The following C3orf70 variants were observed in gnomAD, a reference collection of about 807,000 sequenced individuals.
C3orf70 encodes UPF0524 protein C3orf70.
C3orf70 carries 15 observed loss-of-function variants against 20.7 expected under a neutral mutation model. The observed-to-expected ratio is 0.72, with a 90% CI of 0.48 to 1.11. The LOEUF is 1.11. C3orf70 is among the 50% of genes most tolerant of loss of function. C3orf70 has a pLI of 0.00. For synonymous variants in C3orf70, 161 were observed against 125.7 expected, an observed-to-expected ratio of 1.28 and a Z score of -1.88; for missense variants, 332 against 317.6, an observed-to-expected ratio of 1.05 and a Z score of -0.34.
At chr3:185,146,719 A>G (rs755056175) in intron 1 of C3orf70, among the ~76,000 whole-genome samples, 1 of 152,238 alleles carries the variant, frequency 6.6e-6, no homozygotes, top group South Asian at 2.1e-4. Flanking sequence ...TGTTATTGAT[A>G]TGAATCAGAA....
At chr3:185,114,031 C>T (rs534042152) in intron 1 of C3orf70, among the ~76,000 whole-genome samples, 1 of 152,232 alleles carries the variant, frequency 6.6e-6, no homozygotes, top group Non-Finnish European at 1.5e-5. Context: ...GAAACCCTGT[C>T]TCTACTAAAA....
In C3orf70 at chr3:185,082,530, C is replaced by T. The variant is rs1323512786; in HGVS notation, c.*477G>A. The T allele has an allele frequency of 1.3e-5, 2 of 158,528 alleles. No homozygotes were observed. The highest frequency in any genetic ancestry group is 1.9e-4 in the South Asian group (1 of 5,258). 9.8% of individuals were successfully genotyped at this position (158,528 alleles called of 1,614,324 possible). ...GGGAGAAGGGGAAGGGAAGAAACGG[C>T]ATCTACCAGTGCACACTCAGTAGGG... On this transcript the variant is annotated 3_prime_UTR_variant, in exon 2 of 2. Transcript: ENST00000335012.
Position 185,081,703 on chromosome 3 carries a change from A to G in C3orf70, c.*1304T>C, listed in dbSNP as rs1577315123. On this transcript the variant is annotated 3_prime_UTR_variant, in exon 2 of 2. Transcript: ENST00000335012. ...TCTGAAGAGAGCTAAATAAGAAAGA[A>G]TTAGTCACTATTTTGTGCATGTGAG... 6.5e-6 allele frequency: 1 copy of G among 152,776 alleles called. No individual in the cohort carries two copies. Among genetic ancestry groups the G allele is most frequent in the East Asian group, 1.9e-4 (1 of 5,190 alleles). The allele number at this position is 152,776 out of a possible 1,614,324, so 9.5% of individuals were successfully genotyped here.
intron 1 of C3orf70, among the ~76,000 whole-genome samples, chr3:185,123,272 A>C (rs1446548661): frequency 1.9e-5 from 2 of 102,840 alleles, no homozygotes; most frequent in African/African-American, 6.3e-5. Context: ...AACTTAACAA[A>C]TAAAAAAAGT....
chr3:185,087,979 T>C (rs980659119), intron 1 of C3orf70, among the ~76,000 whole-genome samples: 1 of 151,764 alleles, frequency 6.6e-6, no homozygotes, highest in African/African-American at 2.4e-5. Flanking sequence ...TAGCACGATC[T>C]TGGCTCGCCG....
intron 1 of C3orf70, among the ~76,000 whole-genome samples, chr3:185,127,379 A>C (rs1184566871): frequency 6.6e-6 from 1 of 152,182 alleles, no homozygotes; most frequent in East Asian, 1.9e-4. Flanking sequence ...CCCTGAGAAG[A>C]TATATGGTAT....
At chr3:185,141,134 A>T (rs1716742584) in intron 1 of C3orf70, among the ~76,000 whole-genome samples, 2 of 152,120 alleles carry the variant, frequency 1.3e-5, no homozygotes, top group African/African-American at 4.8e-5. Flanking sequence ...AGCTTCTAGA[A>T]CTGCAAGAAA....
intron 1 of C3orf70, among the ~76,000 whole-genome samples, chr3:185,121,249 T>C (rs2108599191): frequency 6.6e-6 from 1 of 151,408 alleles, no homozygotes; most frequent in East Asian, 2.0e-4. Flanking sequence ...GAAGGGGATG[T>C]GGGATAAAAG....
At position 185,083,094 on chromosome 3, in the gene C3orf70, C is replaced by T. The variant is rs1715382301; in HGVS notation, c.666G>A (p.Glu222=). 6.2e-7 allele frequency: 1 copy of T among 1,614,204 alleles called. No individual in the cohort carries two copies. Among genetic ancestry groups the T allele is most frequent in the Non-Finnish European group, 8.5e-7 (1 of 1,180,036 alleles). The change falls in exon 2 of 2, where the codon GAG becomes GAA. Residue 222 remains glutamate, a synonymous_variant. Coordinates refer to ENST00000335012, the MANE Select transcript of C3orf70 (RefSeq NM_001025266.3). ...ELSSEEDYSP[E]SSWEPDECTL... is the part of the protein sequence containing the mutation. Reference sequence around the variant, plus strand: ...TGCACTCATCCGGTTCCCAGCTGCTCTCTGGACTGTAATCTTCCTCTGAAC... The same window carrying T: ...TGCACTCATCCGGTTCCCAGCTGCTTTCTGGACTGTAATCTTCCTCTGAAC...
rs917308006 is a variant in C3orf70, at chr3:185,078,560, G to A, written c.*4447C>T. 8 of 152,186 alleles carry A rather than the reference G, an allele frequency of 5.3e-5. No homozygotes were observed. The highest frequency in any genetic ancestry group is 1.3e-4 in the Admixed American group (2 of 15,278). 9.4% of individuals were successfully genotyped at this position (152,186 alleles called of 1,614,324 possible). ...TCCGGGAACTTACAGCACTGACCAC[G>A]TGTGTGGAACTCCCACTGGCTTCCC... On this transcript the variant is annotated 3_prime_UTR_variant, in exon 2 of 2. Coordinates refer to ENST00000335012, the MANE Select transcript of C3orf70 (RefSeq NM_001025266.3).
chr3:185,123,350 ATGTAG>A (rs986361125), intron 1 of C3orf70, among the ~76,000 whole-genome samples: 1 of 152,084 alleles, frequency 6.6e-6, no homozygotes, highest in Admixed American at 6.5e-5. Flanking sequence ...AAGAGGACAT[ATGTAG>A]TGGTGACCCA....
At chr3:185,085,104 GAAATCACCCTGA>G (rs1348725785) in intron 1 of C3orf70, among the ~76,000 whole-genome samples, 1 of 152,158 alleles carries the variant, frequency 6.6e-6, no homozygotes, top group Non-Finnish European at 1.5e-5. Flanking sequence ...CCCAACGGGT[GAAATCACCCTGA>G]TTAAGAACCA....
chr3:185,077,449 T>G lies in C3orf70; in HGVS notation c.*5558A>C, dbSNP rs1459247932. On this transcript the variant is annotated 3_prime_UTR_variant, in exon 2 of 2. Coordinates refer to ENST00000335012, the MANE Select transcript of C3orf70 (RefSeq NM_001025266.3). ...GCTTTAATCTCCCTCACAGGGTTGC[T>G]GTGGAGATTATGCATAGAAAGCTTA... Among the ~76,000 whole-genome samples, 2 of 152,206 alleles carry G rather than the reference T, an allele frequency of 1.3e-5. No homozygotes were observed. Among genetic ancestry groups the G allele is most frequent in the Admixed American group, 1.3e-4 (2 of 15,282 alleles).
At chr3:185,087,092 C>A (rs9811100) in intron 1 of C3orf70, among the ~76,000 whole-genome samples, 89,272 of 152,068 alleles carry the variant, frequency 0.59, 27,732 homozygotes, top group East Asian at 0.77. Context: ...AAAATGAACA[C>A]ACTTCTTCAA....
At chr3:185,137,030 G>T (rs1383793375) in intron 1 of C3orf70, among the ~76,000 whole-genome samples, 1 of 152,168 alleles carries the variant, frequency 6.6e-6, no homozygotes, top group Non-Finnish European at 1.5e-5. Context: ...ATATGGTTTG[G>T]TTGTGTCCCC....
intron 1 of C3orf70, among the ~76,000 whole-genome samples, chr3:185,134,437 T>A (rs1383702843): frequency 6.6e-6 from 1 of 152,088 alleles, no homozygotes; most frequent in African/African-American, 2.4e-5. Context: ...CCTGACCAAC[T>A]AGGAACCTCG....
At chr3:185,095,763 AGTC>A (rs1715687838) in intron 1 of C3orf70, among the ~76,000 whole-genome samples, 1 of 130,792 alleles carries the variant, frequency 7.6e-6, no homozygotes, top group South Asian at 2.5e-4. Flanking sequence ...TTTGAGACGG[AGTC>A]TTGCTCTGTC....
intron 1 of C3orf70, among the ~76,000 whole-genome samples, chr3:185,120,918 T>C (rs1716284253): frequency 6.6e-6 from 1 of 150,474 alleles, no homozygotes; most frequent in South Asian, 2.1e-4. Flanking sequence ...ATACAAAAAA[T>C]ATACTTGAAC....
intron 1 of C3orf70, among the ~76,000 whole-genome samples, chr3:185,113,899 C>A (rs74716016): frequency 0.039 from 5,892 of 152,178 alleles, 344 homozygotes; most frequent in African/African-American, 0.13. Context: ...GTTGATTGCT[C>A]TAAGAAAATA....
Sources: gnomAD v4.1 joint callset for allele counts (sites outside exome capture counted in the v4.1 genomes callset) on GRCh38, gnomAD v4.1.1 for gene constraint, MANE v1.5 for transcripts, NCBI Gene and HGNC (gene_info 2026-07-23, HGNC 2026-07-21) for gene names.